TMEM200A: variants seen among roughly 807,000 people sequenced by gnomAD.
TMEM200A encodes the protein transmembrane protein 200A, also known as two transmembrane C.
Under a neutral mutation model 24.3 loss-of-function variants are expected in TMEM200A, and 12 were observed. The ratio of observed to expected loss-of-function variants is 0.49; its 90% CI spans 0.32 to 0.80. The LOEUF (loss-of-function observed/expected upper bound fraction) is 0.80. Ranked by LOEUF, TMEM200A falls within the 30% of genes least tolerant of loss-of-function variation. TMEM200A has a pLI of 0.04. For synonymous variants in TMEM200A, 224 were observed against 224.4 expected (o/e 1.00, Z 0.02); for missense variants, 545 against 614.4 (o/e 0.89, Z 1.19).
intron 2 of TMEM200A, among the ~76,000 whole-genome samples, chr6:130,399,601 T>C (rs943815783): frequency 5.4e-5 from 8 of 149,046 alleles, no homozygotes; most frequent in East Asian, 1.9e-4. Flanking sequence ...TTTTTCATAG[T>C]ATACTATTTT....
At chr6:130,369,608 C>T (rs1181693597) in intron 1 of TMEM200A, among the ~76,000 whole-genome samples, 1 of 152,168 alleles carries the variant, frequency 6.6e-6, no homozygotes, top group African/African-American at 2.4e-5. Context: ...GGGGCTTTGA[C>T]TATCACAGAG....
chr6:130,388,213 G>A (rs1052015489), intron 2 of TMEM200A, among the ~76,000 whole-genome samples: 1 of 152,178 alleles, frequency 6.6e-6, no homozygotes, highest in Non-Finnish European at 1.5e-5. Context: ...TTAAGAAGTT[G>A]GAAAATGTGA....
At chr6:130,389,768 C>T (rs1348645420) in intron 2 of TMEM200A, among the ~76,000 whole-genome samples, 3 of 152,162 alleles carry the variant, frequency 2.0e-5, no homozygotes, top group African/African-American at 7.2e-5. Context: ...CAGATTTTCT[C>T]AGAAATTTCA....
At chr6:130,420,917 G>A (rs905229154) in intron 2 of TMEM200A, among the ~76,000 whole-genome samples, 1 of 152,042 alleles carries the variant, frequency 6.6e-6, no homozygotes, top group African/African-American at 2.4e-5. Context: ...AAGCACCAAG[G>A]AGTCTCCCTG....
intron 2 of TMEM200A, among the ~76,000 whole-genome samples, chr6:130,420,919 G>A (rs1445278689): frequency 6.6e-6 from 1 of 152,070 alleles, no homozygotes. Context: ...GCACCAAGGA[G>A]TCTCCCTGAT....
rs1047703550 is a variant in TMEM200A at position 130,431,320 on chromosome 6, G to T, written c.-16-9087G>T. 4.6e-5 allele frequency among the ~76,000 whole-genome samples: 7 copies of T among 152,260 alleles called. No individual in the cohort carries two copies. In the East Asian group the frequency reaches 1.4e-3, roughly 29 times the overall value. ...AAGTGAAGTTACTATATGTTTTCCA[G>T]CAGTGGAGGGGTCTCTATAAAAAGT... On this transcript the variant is annotated intron_variant, in intron 2 of 2. Coordinates refer to ENST00000296978, the MANE Select transcript of TMEM200A (RefSeq NM_001258277.2).
chr6:130,402,447 A>G (rs1182023031), intron 2 of TMEM200A, among the ~76,000 whole-genome samples: 1 of 152,044 alleles, frequency 6.6e-6, no homozygotes, highest in Non-Finnish European at 1.5e-5. Flanking sequence ...CCCACAAAGG[A>G]ACCTTTTATT....
rs527451226 is a variant in TMEM200A at position 130,408,204 on chromosome 6, G to A, written c.-17+22968G>A. ...GGGCAGAGCAGACTGTAGAGGCTTC[G>A]AAACCCAATGAGGGTCTTGAAGGAT... On this transcript the variant is annotated intron_variant, in intron 2 of 2. Transcript: ENST00000296978. Among the ~76,000 whole-genome samples the A allele has an allele frequency of 5.7e-4, 87 of 152,268 alleles. 2 individuals carry two copies. The Middle Eastern group carries it at 0.01, about 18-fold the overall frequency.
chr6:130,408,497 G>A lies in TMEM200A; in HGVS notation c.-17+23261G>A, dbSNP rs574631369. On this transcript the variant is annotated intron_variant, in intron 2 of 2. Coordinates refer to ENST00000296978, the MANE Select transcript of TMEM200A (RefSeq NM_001258277.2). ...TGGCATGTGTTGCATCTTAGACAGG[G>A]TTGGGGAATCAGATATAGACAAAGA... 4.6e-5 allele frequency among the ~76,000 whole-genome samples: 7 copies of A among 152,272 alleles called. 1 individual carries two copies. The South Asian group carries it at 1.5e-3, about 32-fold the overall frequency.
At chr6:130,408,180 G>A (rs891199872) in intron 2 of TMEM200A, among the ~76,000 whole-genome samples, 1 of 152,158 alleles carries the variant, frequency 6.6e-6, no homozygotes, top group African/African-American at 2.4e-5. Context: ...TGATGGATTG[G>A]GCAGAGCAGA....
intron 2 of TMEM200A, among the ~76,000 whole-genome samples, chr6:130,418,251 ACT>A (rs1779504320): frequency 6.6e-6 from 1 of 152,164 alleles, no homozygotes; most frequent in Non-Finnish European, 1.5e-5. Flanking sequence ...CACCAAAACA[ACT>A]CTGAGTCATC....
Position 130,436,630 on chromosome 6 carries a change from CCTTTTTT to C in TMEM200A, c.-16-3776_-16-3770del, listed in dbSNP as rs1228094065. Among the ~76,000 whole-genome samples, 66 of 66,774 alleles carry C rather than the reference CCTTTTTT, an allele frequency of 9.9e-4. 9 individuals carry two copies. Among genetic ancestry groups the C allele is most frequent in the Middle Eastern group, 9.8e-3 (1 of 102 alleles). The allele number at this position is 66,774 out of a possible 152,430, so 43.8% of individuals were successfully genotyped here. On this transcript the variant is annotated intron_variant, in intron 2 of 2. Transcript: ENST00000296978. ...TTCACTAGGCTTCGTTTTTCTTTATCCTTTTTTTTTTTTTTTTTTTTTTTTTTTTTTT... is the reference window on the plus strand; with the variant it reads ...TTCACTAGGCTTCGTTTTTCTTTATCTTTTTTTTTTTTTTTTTTTTTTTTT...
intron 2 of TMEM200A, among the ~76,000 whole-genome samples, chr6:130,398,767 G>T (rs1779014784): frequency 6.6e-6 from 1 of 151,858 alleles, no homozygotes; most frequent in African/African-American, 2.4e-5. Flanking sequence ...GTATATATTT[G>T]TTGACTTCAT....
At chr6:130,382,482 G>A (rs1322915272) in intron 1 of TMEM200A, among the ~76,000 whole-genome samples, 2 of 152,190 alleles carry the variant, frequency 1.3e-5, no homozygotes, top group African/African-American at 2.4e-5. Flanking sequence ...GTCTTCTCTG[G>A]CCTTTCTCAG....
At chr6:130,439,724 G>A (rs1392272716) in intron 2 of TMEM200A, among the ~76,000 whole-genome samples, 2 of 152,158 alleles carry the variant, frequency 1.3e-5, no homozygotes, top group Non-Finnish European at 2.9e-5. Flanking sequence ...TAGTCAGTGA[G>A]GTCAGAGTAG....
intron 1 of TMEM200A, among the ~76,000 whole-genome samples, chr6:130,384,212 G>A (rs1778663323): frequency 6.6e-6 from 1 of 152,174 alleles, no homozygotes; most frequent in African/African-American, 2.4e-5. Flanking sequence ...TAAGCTTACC[G>A]TTTGTGAATG....
chr6:130,386,471 T>C (rs1778714519), intron 2 of TMEM200A, among the ~76,000 whole-genome samples: 1 of 152,220 alleles, frequency 6.6e-6, no homozygotes, highest in Non-Finnish European at 1.5e-5. Context: ...AGCCAAAGAC[T>C]GGCACCTGGG....
chr6:130,391,045 G>A (rs1363511046), intron 2 of TMEM200A, among the ~76,000 whole-genome samples: 7 of 152,148 alleles, frequency 4.6e-5, no homozygotes, highest in Admixed American at 1.3e-4. Flanking sequence ...AAAATGCCTC[G>A]GAATGAGCAC....
At chr6:130,385,884 A>G (rs1038227828) in intron 2 of TMEM200A, among the ~76,000 whole-genome samples, 3 of 152,176 alleles carry the variant, frequency 2.0e-5, no homozygotes, top group African/African-American at 7.2e-5. Context: ...GAAATGCAAA[A>G]TGAACAGTTG....
Sources: gnomAD v4.1 joint callset for allele counts (sites outside exome capture counted in the v4.1 genomes callset) on GRCh38, gnomAD v4.1.1 for gene constraint, MANE v1.5 for transcripts, NCBI Gene and HGNC (gene_info 2026-07-23, HGNC 2026-07-21) for gene names.